Variants in SNAP25 observed in about 807,000 individuals in gnomAD.
SNAP25 encodes synaptosomal-associated protein 25.
A neutral mutation model predicts 28.7 loss-of-function variants in SNAP25; 3 were observed. That is an observed-to-expected ratio of 0.10 (90% confidence interval 0.05 to 0.27). The LOEUF is 0.27. SNAP25 is among the 10% of genes least tolerant of loss of function. The probability of loss-of-function intolerance (pLI) is 1.00; values close to 1 mark genes in which losing one functional copy is unlikely to be tolerated. For missense variants in SNAP25, 117 were observed against 278.7 expected, an observed-to-expected ratio of 0.42 and a Z score of 4.13; for synonymous variants, 61 against 88.1, an observed-to-expected ratio of 0.69 and a Z score of 1.72.
chr20:10,268,070 T>C (rs2063534174), intron 1 of SNAP25, among the ~76,000 whole-genome samples: 2 of 152,230 alleles, frequency 1.3e-5, no homozygotes, highest in Non-Finnish European at 2.9e-5. Context: ...GTATATTTTA[T>C]ATGAAAAGCA....
intron 3 of SNAP25, among the ~76,000 whole-genome samples, chr20:10,282,162 TGGAAGGAAGGAA>T (rs536313526): frequency 0.056 from 4,274 of 76,366 alleles, 87 homozygotes; most frequent in East Asian, 0.074. Flanking sequence ...GAAGGAAGGA[TGGAAGGAAGGAA>T]GGAAGGAAGG....
intron 5 of SNAP25, among the ~76,000 whole-genome samples, chr20:10,294,785 T>C (rs1184016637): frequency 1.5e-5 from 2 of 135,968 alleles, no homozygotes; most frequent in Admixed American, 1.5e-4. Context: ...GTCATATAAT[T>C]CATCAGAAAA....
chr20:10,241,182 T>C (rs1261948705), intron 1 of SNAP25, among the ~76,000 whole-genome samples: 1 of 151,502 alleles, frequency 6.6e-6, no homozygotes, highest in Non-Finnish European at 1.5e-5. Flanking sequence ...CAGGAATCAG[T>C]ATGGGAGGGC....
chr20:10,285,429 C>G (rs1377661385), intron 4 of SNAP25, among the ~76,000 whole-genome samples: 6 of 152,276 alleles, frequency 3.9e-5, no homozygotes, highest in African/African-American at 1.2e-4. Flanking sequence ...CATCATTTTT[C>G]TTCATCTCAA....
intron 1 of SNAP25, among the ~76,000 whole-genome samples, chr20:10,252,259 G>A (rs999053939): frequency 6.6e-6 from 1 of 152,212 alleles, no homozygotes; most frequent in African/African-American, 2.4e-5. Context: ...GGCAGATCAA[G>A]TCAGTTCACA....
chr20:10,297,407 T>A (rs115858938), intron 6 of SNAP25, among the ~76,000 whole-genome samples: 1 of 152,168 alleles, frequency 6.6e-6, no homozygotes. Flanking sequence ...CCGGTTTCAT[T>A]AGACAAAGCA....
chr20:10,253,438 T>A (rs1339114116), intron 1 of SNAP25, among the ~76,000 whole-genome samples: 1 of 152,158 alleles, frequency 6.6e-6, no homozygotes, highest in Non-Finnish European at 1.5e-5. Context: ...ACCGAACCCC[T>A]CTGTGTTTTG....
At chr20:10,241,604 C>T (rs2063035197) in intron 1 of SNAP25, among the ~76,000 whole-genome samples, 1 of 151,932 alleles carries the variant, frequency 6.6e-6, no homozygotes, top group African/African-American at 2.4e-5. Flanking sequence ...AGAGACGGGT[C>T]AGGGAAGGTC....
At chr20:10,257,455 C>T (rs1050022388) in intron 1 of SNAP25, among the ~76,000 whole-genome samples, 10 of 152,030 alleles carry the variant, frequency 6.6e-5, no homozygotes, top group Non-Finnish European at 1.0e-4. Context: ...GTGGCTCACG[C>T]CTGTCCCAGC....
chr20:10,300,402 CATT>C (rs758859842), intron 7 of SNAP25, among the ~76,000 whole-genome samples: 3 of 152,142 alleles, frequency 2.0e-5, no homozygotes, highest in Non-Finnish European at 4.4e-5. Flanking sequence ...GAAAAAGAGA[CATT>C]ATAGATTTAA....
Position 10,236,229 on chromosome 20 carries a change from T to A in SNAP25, c.-64+17252T>A, listed in dbSNP as rs139523004. Among the ~76,000 whole-genome samples the A allele has an allele frequency of 7.0e-4, 107 of 152,222 alleles. 1 individual carries two copies. Among genetic ancestry groups the A allele is most frequent in the African/African-American group, 2.5e-3 (102 of 41,538 alleles). On this transcript the variant is annotated intron_variant, in intron 1 of 7. Coordinates refer to ENST00000254976, the MANE Select transcript of SNAP25 (RefSeq NM_130811.4). ...ACCTTGGAGCCCTCAAGTTTAACTT[T>A]GGATATCCTTGGTTCAAGAGGGCAC...
chr20:10,265,649 C>T (rs752458293), intron 1 of SNAP25, among the ~76,000 whole-genome samples: 1 of 152,188 alleles, frequency 6.6e-6, no homozygotes, highest in South Asian at 2.1e-4. Flanking sequence ...GAACCCATGG[C>T]CCCGTGGAGC....
intron 1 of SNAP25, among the ~76,000 whole-genome samples, chr20:10,227,305 A>G (rs1030932870): frequency 5.9e-5 from 9 of 152,234 alleles, no homozygotes; most frequent in Admixed American, 2.6e-4. Flanking sequence ...AGTCTTTGAG[A>G]GCAAGGGTAA....
intron 1 of SNAP25, among the ~76,000 whole-genome samples, chr20:10,266,396 G>GA (rs2063507043): frequency 6.6e-6 from 1 of 152,216 alleles, no homozygotes; most frequent in African/African-American, 2.4e-5. Context: ...GTCAGGGAAA[G>GA]AGATTATTAG....
intron 1 of SNAP25, among the ~76,000 whole-genome samples, chr20:10,257,626 G>A (rs563761076): frequency 6.6e-6 from 1 of 152,178 alleles, no homozygotes; most frequent in South Asian, 2.1e-4. Flanking sequence ...CAGGAGAATC[G>A]CTTGAACCCA....
chr20:10,304,735 T>A (rs1052643600), intron 7 of SNAP25, among the ~76,000 whole-genome samples: 2 of 152,206 alleles, frequency 1.3e-5, no homozygotes, highest in Non-Finnish European at 2.9e-5. Flanking sequence ...TATGGGTGCA[T>A]GATGTTATTC....
In SNAP25 at chr20:10,290,833, G is replaced by T. The variant is rs3025875; in HGVS notation, c.164-2328G>T. 8.0e-3 allele frequency among the ~76,000 whole-genome samples: 1,220 copies of T among 152,182 alleles called. 15 individuals are homozygous for T. Among genetic ancestry groups the T allele is most frequent in the Non-Finnish European group, 8.7e-3 (592 of 68,004 alleles). On this transcript the variant is annotated intron_variant, in intron 4 of 7. Coordinates refer to ENST00000254976, the MANE Select transcript of SNAP25 (RefSeq NM_130811.4). ...TCCATCTCAAGCCTGCATTCCCAGA[G>T]GCCATTAGCAATTACTTGATTGGGA... is the stretch of plus-strand genomic sequence containing the variant.
chr20:10,239,246 C>A (rs2062980421), intron 1 of SNAP25, among the ~76,000 whole-genome samples: 2 of 152,210 alleles, frequency 1.3e-5, no homozygotes, highest in African/African-American at 4.8e-5. Context: ...TTCTTTTGAA[C>A]CACTGAGTGT....
chr20:10,249,185 T>C (rs2122792437), intron 1 of SNAP25, among the ~76,000 whole-genome samples: 1 of 152,332 alleles, frequency 6.6e-6, no homozygotes, highest in East Asian at 1.9e-4. Flanking sequence ...ATGCAGCCTC[T>C]CTGAGAGCCA....
Sources: allele counts gnomAD v4.1 joint callset (sites outside exome capture counted in the v4.1 genomes callset), GRCh38; gene constraint gnomAD v4.1.1; transcripts MANE v1.5; gene names NCBI Gene and HGNC (gene_info 2026-07-23, HGNC 2026-07-21).